Variants in TTC28 observed in about 807,000 individuals in gnomAD.
TTC28 encodes the protein tetratricopeptide repeat protein 28.
Under a neutral mutation model 198.0 loss-of-function variants are expected in TTC28, and 61 were observed. The observed-to-expected ratio is 0.31, with a 90% confidence interval of 0.25 to 0.38. The LOEUF is 0.38. TTC28 is among the 10% of genes least tolerant of loss of function. TTC28 has a pLI of 1.00. For synonymous variants in TTC28, 1,171 were observed against 1,297.8 expected (o/e 0.90, Z 2.10); for missense variants, 2,678 against 3,164.0 (o/e 0.85, Z 3.69).
At chr22:28,083,076 T>A (rs1031312103) in intron 12 of TTC28, among the ~76,000 whole-genome samples, 1 of 152,098 alleles carries the variant, frequency 6.6e-6, no homozygotes, top group Non-Finnish European at 1.5e-5. Context: ...GATTCATTTT[T>A]TTTTTTTTTT....
chr22:28,298,355 A>G (rs1032373596), intron 3 of TTC28, among the ~76,000 whole-genome samples: 1 of 152,228 alleles, frequency 6.6e-6, no homozygotes, highest in Non-Finnish European at 1.5e-5. Flanking sequence ...AAAGACTGCT[A>G]TAGGACTACT....
chr22:28,517,945 T>C (rs1463944046), intron 2 of TTC28, among the ~76,000 whole-genome samples: 5 of 152,110 alleles, frequency 3.3e-5, no homozygotes, highest in Non-Finnish European at 7.3e-5. Flanking sequence ...ATTTTATTTA[T>C]TGTATTTTTT....
chr22:28,193,753 T>C (rs1452562339), intron 5 of TTC28, among the ~76,000 whole-genome samples: 4 of 152,168 alleles, frequency 2.6e-5, no homozygotes, highest in Admixed American at 2.6e-4. Context: ...TAAATATATA[T>C]GCACCCAATA....
intron 6 of TTC28, among the ~76,000 whole-genome samples, chr22:28,114,579 ATTTT>A (rs68190158): frequency 2.9e-5 from 4 of 138,950 alleles, no homozygotes; most frequent in Non-Finnish European, 3.1e-5. Flanking sequence ...AAAGGTATAG[ATTTT>A]TTTTTTTTTT....
At chr22:28,047,315 G>T (rs887055509) in intron 12 of TTC28, among the ~76,000 whole-genome samples, 6 of 152,328 alleles carry the variant, frequency 3.9e-5, no homozygotes, top group African/African-American at 1.4e-4. Context: ...TGAGGCTAGG[G>T]AGGGGATAGC....
Position 28,629,585 on chromosome 22 carries a change from G to C in TTC28, c.348C>G (p.Ile116Met), listed in dbSNP as rs752184393. 1 of 1,551,516 alleles carries C rather than the reference G, an allele frequency of 6.4e-7. No individual in the cohort carries two copies. The highest frequency in any genetic ancestry group is 1.2e-5 in the South Asian group (1 of 83,972). ...ACTTGGGATTGAGAAGTCGAGCTTTGATTGCATCATCCAGTGCCTTGTCAT... is the reference window on the plus strand; with the variant it reads ...ACTTGGGATTGAGAAGTCGAGCTTTCATTGCATCATCCAGTGCCTTGTCAT... ...QQYDKALDDA[I>M]KARLLNPKWP... Residue 116 changes from isoleucine (I) to methionine (M), a missense_variant, in exon 2 of 23, where the codon ATC (isoleucine) becomes ATG (methionine). Coordinates refer to ENST00000397906, the MANE Select transcript of TTC28 (RefSeq NM_001145418.2).
chr22:28,126,798 C>G (rs1031061001), intron 6 of TTC28, among the ~76,000 whole-genome samples: 1 of 152,170 alleles, frequency 6.6e-6, no homozygotes, highest in Non-Finnish European at 1.5e-5. Flanking sequence ...CTTCTCAGAG[C>G]CCTTCATATA....
chr22:28,174,615 A>C lies in TTC28; in HGVS notation c.934-11016T>G, dbSNP rs147120171. The stretch of plus-strand genomic sequence containing the variant: ...GTAATCCCAGTTACTTGGGTGGCTG[A>C]GGCAGGAAGACTGTTTGAGCCCAGG... On this transcript the variant is annotated intron_variant, in intron 5 of 22. Transcript: ENST00000397906. Among the ~76,000 whole-genome samples, 692 of 152,312 alleles carry C rather than the reference A, an allele frequency of 4.5e-3. 8 individuals carry two copies. Among genetic ancestry groups the C allele is most frequent in the African/African-American group, 0.015 (635 of 41,584 alleles).
chr22:28,310,926 C>T (rs1054838268), intron 2 of TTC28, among the ~76,000 whole-genome samples: 1 of 151,978 alleles, frequency 6.6e-6, no homozygotes, highest in South Asian at 2.1e-4. Flanking sequence ...AGTTCAGGTG[C>T]GCACCACCAC....
At chr22:28,002,858 C>A (rs1327467845) in intron 14 of TTC28, among the ~76,000 whole-genome samples, 1 of 152,066 alleles carries the variant, frequency 6.6e-6, no homozygotes, top group African/African-American at 2.4e-5. Context: ...GTGGCATGCA[C>A]CTGTAGTCCC....
At chr22:28,199,060 C>T (rs1925646527) in intron 5 of TTC28, among the ~76,000 whole-genome samples, 1 of 151,990 alleles carries the variant, frequency 6.6e-6, no homozygotes. Flanking sequence ...ACTGTATGTG[C>T]AATGCAATCC....
chr22:28,256,941 G>A (rs1930969965), intron 5 of TTC28, among the ~76,000 whole-genome samples: 1 of 152,222 alleles, frequency 6.6e-6, no homozygotes, highest in Admixed American at 6.5e-5. Context: ...TCAGGAGGCT[G>A]AGGTGGGAGA....
intron 5 of TTC28, among the ~76,000 whole-genome samples, chr22:28,196,192 T>C (rs922459839): frequency 1.3e-5 from 2 of 152,102 alleles, no homozygotes; most frequent in African/African-American, 4.8e-5. Context: ...GGGGAAAGGA[T>C]TCCCTATTTA....
chr22:28,659,800 G>A (rs1425027297), intron 1 of TTC28, among the ~76,000 whole-genome samples: 1 of 147,228 alleles, frequency 6.8e-6, no homozygotes, highest in Non-Finnish European at 1.5e-5. Flanking sequence ...AATCTGAAAT[G>A]CATTTTTTTT....
At chr22:28,298,338 T>C (rs1346629532) in intron 3 of TTC28, among the ~76,000 whole-genome samples, 1 of 152,220 alleles carries the variant, frequency 6.6e-6, no homozygotes, top group Non-Finnish European at 1.5e-5. Flanking sequence ...TTTTTCCAGC[T>C]AAATCTAAAG....
chr22:28,052,771 G>A (rs1940136361), intron 12 of TTC28, among the ~76,000 whole-genome samples: 1 of 152,148 alleles, frequency 6.6e-6, no homozygotes, highest in Non-Finnish European at 1.5e-5. Flanking sequence ...TAGTAAATAT[G>A]TTCTGCAGTC....
At chr22:28,140,094 C>T (rs192750416) in intron 6 of TTC28, among the ~76,000 whole-genome samples, 10 of 152,230 alleles carry the variant, frequency 6.6e-5, no homozygotes, top group African/African-American at 2.4e-4. Context: ...GTGAGTTCCT[C>T]CCCCATAAGG....
At chr22:28,045,766 C>G (rs1478498008) in intron 12 of TTC28, among the ~76,000 whole-genome samples, 1 of 152,148 alleles carries the variant, frequency 6.6e-6, no homozygotes, top group Non-Finnish European at 1.5e-5. Context: ...GAGTTCAAGA[C>G]CAGCCTGGCC....
At chr22:28,178,528 C>G (rs559903196) in intron 5 of TTC28, among the ~76,000 whole-genome samples, 1 of 152,090 alleles carries the variant, frequency 6.6e-6, no homozygotes, top group South Asian at 2.1e-4. Flanking sequence ...TGGAGTTTTC[C>G]TCCTTGGGGG....
Sources: allele counts gnomAD v4.1 joint callset (sites outside exome capture counted in the v4.1 genomes callset), GRCh38; gene constraint gnomAD v4.1.1; transcripts MANE v1.5; gene names NCBI Gene and HGNC (gene_info 2026-07-23, HGNC 2026-07-21).